The following SPACDR variants were observed in gnomAD, a reference collection of about 807,000 sequenced individuals.
SPACDR encodes sperm acrosome developmental regulator, also known as uncharacterized protein C7orf61.
the SPACDR span, among the ~76,000 whole-genome samples, chr7:100,457,802 T>TGTGTGTG: frequency 3.5e-5 from 2 of 57,852 alleles, no homozygotes; most frequent in South Asian, 8.4e-4. Flanking sequence ...TATATATATA[T>TGTGTGTG]ATGTGTGTGT....
At chr7:100,457,801 A>ATGTCTGTG in the SPACDR span, among the ~76,000 whole-genome samples, 1 of 74,380 alleles carries the variant, frequency 1.3e-5, no homozygotes, top group South Asian at 5.1e-4. Context: ...TTATATATAT[A>ATGTCTGTG]TATGTGTGTG....
the SPACDR span, among the ~76,000 whole-genome samples, chr7:100,462,241 T>C: frequency 6.6e-6 from 1 of 151,992 alleles, no homozygotes; most frequent in African/African-American, 2.4e-5. Flanking sequence ...TGAGATGGAG[T>C]CTCGCTCTGT....
At chr7:100,464,194 C>A in the SPACDR span, 1 of 1,476,974 alleles carries the variant, frequency 6.8e-7, no homozygotes, top group Admixed American at 2.4e-5. Context: ...CTGGGGGAAG[C>A]CCCTCCTGGC....
the SPACDR span, chr7:100,464,037 G>T: frequency 7.7e-7 from 1 of 1,305,710 alleles, no homozygotes; most frequent in Non-Finnish European, 1.0e-6. Context: ...TCTCTTGATG[G>T]GAAAAACACA....
At chr7:100,461,575 G>A in the SPACDR span, among the ~76,000 whole-genome samples, 1 of 151,886 alleles carries the variant, frequency 6.6e-6, no homozygotes, top group Non-Finnish European at 1.5e-5. Context: ...ACTGTGCCTG[G>A]CCACACATTT....
At chr7:100,464,089 G>A in the SPACDR span, 5 of 1,507,310 alleles carry the variant, frequency 3.3e-6, no homozygotes, top group Non-Finnish European at 3.6e-6. Context: ...TGGGGGTGGC[G>A]GGTGGGGGAT....
At chr7:100,463,779 C>A in the SPACDR span, 1 of 1,286,112 alleles carries the variant, frequency 7.8e-7, no homozygotes, top group Non-Finnish European at 1.1e-6. Context: ...AGGGATGGAG[C>A]AGTGAGTTTC....
At chr7:100,457,841 GTATA>G in the SPACDR span, among the ~76,000 whole-genome samples, 3 of 85,102 alleles carry the variant, frequency 3.5e-5, no homozygotes, top group Admixed American at 1.2e-4. Flanking sequence ...GTGTGTGTGT[GTATA>G]TATATATATA....
At chr7:100,459,420 A>C in the SPACDR span, among the ~76,000 whole-genome samples, 1 of 151,826 alleles carries the variant, frequency 6.6e-6, no homozygotes, top group Non-Finnish European at 1.5e-5. Flanking sequence ...CTCCTGCCTC[A>C]GCCTCCCGAG....
At chr7:100,457,855 ATAT>A in the SPACDR span, among the ~76,000 whole-genome samples, 117 of 68,002 alleles carry the variant, frequency 1.7e-3, no homozygotes, top group African/African-American at 6.5e-3. Flanking sequence ...ATATATATAT[ATAT>A]TTTTTTTTTT....
the SPACDR span, among the ~76,000 whole-genome samples, chr7:100,461,632 C>T: frequency 1.3e-5 from 2 of 152,040 alleles, no homozygotes; most frequent in African/African-American, 4.8e-5. Flanking sequence ...CCACCTTCCC[C>T]TAACAACCCT....
chr7:100,463,111 A>G, the SPACDR span, among the ~76,000 whole-genome samples: 528 of 92,658 alleles, frequency 5.7e-3, 4 homozygotes, highest in African/African-American at 0.023. Flanking sequence ...CTCAGGGAGA[A>G]AAAAAAAAAA....
chr7:100,463,715 C>G, the SPACDR span: 2 of 1,582,084 alleles, frequency 1.3e-6, no homozygotes, highest in South Asian at 2.2e-5. Flanking sequence ...AGAGGAGAGA[C>G]AGGAGAGAGG....
chr7:100,462,518 T>G, the SPACDR span, among the ~76,000 whole-genome samples: 1 of 146,042 alleles, frequency 6.8e-6, no homozygotes, highest in East Asian at 2.0e-4. Flanking sequence ...CGGCCAGAAA[T>G]ATATATATAT....
At chr7:100,457,857 A>ATTTTT in the SPACDR span, among the ~76,000 whole-genome samples, 13 of 88,326 alleles carry the variant, frequency 1.5e-4, no homozygotes, top group African/African-American at 6.4e-4. Flanking sequence ...ATATATATAT[A>ATTTTT]TTTTTTTTTT....
At chr7:100,458,177 GTTGTAC>G in the SPACDR span, among the ~76,000 whole-genome samples, 22 of 143,004 alleles carry the variant, frequency 1.5e-4, 1 homozygote, top group South Asian at 4.7e-3. Context: ...GATTTCCCCA[GTTGTAC>G]TTGTACTCAC....
At chr7:100,463,429 G>T in the SPACDR span, 1 of 1,613,452 alleles carries the variant, frequency 6.2e-7, no homozygotes, top group Admixed American at 1.7e-5. Context: ...CAGACTTGAC[G>T]GCCGTCCTCG....
the SPACDR span, chr7:100,463,913 A>G: frequency 4.5e-6 from 7 of 1,572,016 alleles, no homozygotes; most frequent in Admixed American, 9.0e-5. Context: ...GCTGCGACCC[A>G]TGCCCTCATC....
At chr7:100,463,648 T>C in the SPACDR span, 2 of 1,613,858 alleles carry the variant, frequency 1.2e-6, no homozygotes, top group South Asian at 1.1e-5. Flanking sequence ...CAGGGTGTCC[T>C]GAGATGGTTG....
Sources: allele counts gnomAD v4.1 joint callset (sites outside exome capture counted in the v4.1 genomes callset), GRCh38; gene constraint gnomAD v4.1.1; transcripts MANE v1.5; gene names NCBI Gene and HGNC (gene_info 2026-07-23, HGNC 2026-07-21).